Variants in ACER3 observed in about 807,000 individuals in gnomAD.
The protein encoded by ACER3 is alkaline ceramidase 3.
Under a neutral mutation model 48.9 loss-of-function variants are expected in ACER3, and 16 were observed. That is an observed-to-expected ratio of 0.33 (90% CI 0.22 to 0.50). The LOEUF (loss-of-function observed/expected upper bound fraction) is 0.50, where lower values mean the gene tolerates loss of function less well. Ranked by LOEUF, ACER3 falls within the 20% of genes least tolerant of loss-of-function variation. The pLI is 0.98. For synonymous variants in ACER3, 109 were observed against 107.8 expected (o/e 1.01, Z -0.07); for missense variants, 227 against 326.0 (o/e 0.70, Z 2.34).
chr11:76,947,154 C>G (rs1053881848), intron 2 of ACER3, among the ~76,000 whole-genome samples: 10 of 152,182 alleles, frequency 6.6e-5, no homozygotes, highest in Non-Finnish European at 1.2e-4. Flanking sequence ...AGGAGATACA[C>G]ACTACCTGTG....
At chr11:76,955,323 A>T (rs930518534) in intron 2 of ACER3, 1 of 152,252 alleles carries the variant, frequency 6.6e-6, no homozygotes, top group Admixed American at 6.5e-5. Flanking sequence ...CAATATGTGA[A>T]ATACAATATG....
intron 1 of ACER3, among the ~76,000 whole-genome samples, chr11:76,878,156 C>T (rs1013655916): frequency 5.9e-5 from 9 of 151,916 alleles, no homozygotes; most frequent in Admixed American, 3.9e-4. Context: ...TCTTCTGGTA[C>T]ACAGAAATGT....
intron 1 of ACER3, among the ~76,000 whole-genome samples, chr11:76,875,148 T>C (rs1021714415): frequency 7.6e-6 from 1 of 131,228 alleles, no homozygotes. Flanking sequence ...GGAATCTCAC[T>C]CTGTTGCCAG....
intron 1 of ACER3, among the ~76,000 whole-genome samples, chr11:76,903,266 T>C (rs1054592040): frequency 2.0e-5 from 3 of 152,152 alleles, no homozygotes; most frequent in African/African-American, 7.2e-5. Context: ...CTGCCCTGAA[T>C]ACTCCTCTCC....
At chr11:76,881,926 C>T (rs1945535738) in intron 1 of ACER3, among the ~76,000 whole-genome samples, 1 of 151,578 alleles carries the variant, frequency 6.6e-6, no homozygotes, top group Admixed American at 6.6e-5. Flanking sequence ...TCTCTTCTAT[C>T]CTTTGGCTCC....
At chr11:76,933,969 G>A (rs915358837) in intron 2 of ACER3, among the ~76,000 whole-genome samples, 17 of 145,532 alleles carry the variant, frequency 1.2e-4, no homozygotes, top group East Asian at 1.9e-4. Context: ...CCTCCTAGAC[G>A]GGGTCGCGGC....
intron 1 of ACER3, among the ~76,000 whole-genome samples, chr11:76,878,028 G>A (rs1359055925): frequency 2.0e-5 from 3 of 151,506 alleles, no homozygotes; most frequent in African/African-American, 7.3e-5. Flanking sequence ...TATTTTTGCT[G>A]TTGTTTAGAA....
intron 1 of ACER3, among the ~76,000 whole-genome samples, chr11:76,889,746 C>T (rs1208398260): frequency 6.6e-6 from 1 of 152,152 alleles, no homozygotes; most frequent in African/African-American, 2.4e-5. Flanking sequence ...TGCCTCCCAT[C>T]TCTCTTTATT....
intron 1 of ACER3, among the ~76,000 whole-genome samples, chr11:76,905,270 A>G (rs867807504): frequency 6.6e-6 from 1 of 152,226 alleles, no homozygotes; most frequent in Admixed American, 6.5e-5. Flanking sequence ...AAATTAAAAA[A>G]AATTGAATCT....
chr11:76,968,419 C>A (rs1236303626), intron 3 of ACER3, among the ~76,000 whole-genome samples: 1 of 152,184 alleles, frequency 6.6e-6, no homozygotes, highest in Admixed American at 6.5e-5. Context: ...CAATGACTTT[C>A]TTCACAGAAT....
chr11:76,882,530 A>G (rs1945555708), intron 1 of ACER3, among the ~76,000 whole-genome samples: 1 of 152,006 alleles, frequency 6.6e-6, no homozygotes, highest in Non-Finnish European at 1.5e-5. Flanking sequence ...TATTGTTAGC[A>G]TATTTTATCT....
intron 1 of ACER3, among the ~76,000 whole-genome samples, chr11:76,882,406 A>G (rs1360651163): frequency 2.6e-5 from 4 of 152,054 alleles, no homozygotes; most frequent in Non-Finnish European, 5.9e-5. Context: ...TTTGTCTGTT[A>G]GGTCCATCTG....
intron 1 of ACER3, among the ~76,000 whole-genome samples, chr11:76,922,530 T>C (rs188299561): frequency 5.1e-4 from 77 of 152,290 alleles, no homozygotes; most frequent in African/African-American, 1.8e-3. Flanking sequence ...TTTCATACTC[T>C]ACCTAGGCAA....
chr11:76,999,753 C>T (rs1030475472), intron 7 of ACER3, among the ~76,000 whole-genome samples: 1 of 152,108 alleles, frequency 6.6e-6, no homozygotes, highest in African/African-American at 2.4e-5. Context: ...GCTTTTTGAA[C>T]TCAGCATAAT....
chr11:76,874,017 T>C (rs7117545), intron 1 of ACER3, among the ~76,000 whole-genome samples: 90,657 of 152,028 alleles, frequency 0.6, 29,379 homozygotes, highest in Non-Finnish European at 0.74. Context: ...TAGTGCAGAA[T>C]ATTCAAAAGA....
chr11:76,990,937 C>T (rs2135226795), intron 6 of ACER3, among the ~76,000 whole-genome samples: 1 of 152,256 alleles, frequency 6.6e-6, no homozygotes. Flanking sequence ...TATTTTCCCT[C>T]TAATATATTT....
chr11:76,982,562 T>G (rs1465362367), intron 4 of ACER3, among the ~76,000 whole-genome samples: 1 of 152,150 alleles, frequency 6.6e-6, no homozygotes, highest in East Asian at 1.9e-4. Context: ...GTAAAAATTC[T>G]TTATCTATTT....
chr11:77,000,948 G>A (rs1477752234), intron 7 of ACER3, among the ~76,000 whole-genome samples: 1 of 151,838 alleles, frequency 6.6e-6, no homozygotes, highest in Non-Finnish European at 1.5e-5. Context: ...TTAAAATCTT[G>A]TTGAGATTTT....
intron 3 of ACER3, 165 bp downstream of exon 3, chr11:76,959,196 A>G: frequency 6.6e-7 from 1 of 1,510,784 alleles, no homozygotes; most frequent in South Asian, 1.2e-5. Context: ...TAAAGAAATA[A>G]GCAGGTGAGT....
Sources: allele counts gnomAD v4.1 joint callset (sites outside exome capture counted in the v4.1 genomes callset), GRCh38; gene constraint gnomAD v4.1.1; transcripts MANE v1.5; gene names NCBI Gene and HGNC (gene_info 2026-07-23, HGNC 2026-07-21).